Variants in CRIM1 observed in about 807,000 individuals in gnomAD.
CRIM1 encodes the protein cysteine rich transmembrane BMP regulator 1, also known as cysteine-rich motor neuron 1 protein.
CRIM1 carries 32 observed loss-of-function variants against 116.4 expected under a neutral mutation model. The ratio of observed to expected loss-of-function variants is 0.27; its 90% CI spans 0.21 to 0.37. The LOEUF (loss-of-function observed/expected upper bound fraction) is 0.37. Ranked by LOEUF, CRIM1 falls within the 10% of genes least tolerant of loss-of-function variation. The pLI is 1.00. For missense variants in CRIM1, 1,331 were observed against 1,354.8 expected (o/e 0.98, Z 0.28); for synonymous variants, 590 against 509.2 (o/e 1.16, Z -2.13).
At chr2:36,500,080 A>G (rs528022176) in intron 8 of CRIM1, among the ~76,000 whole-genome samples, 1 of 152,080 alleles carries the variant, frequency 6.6e-6, no homozygotes, top group East Asian at 1.9e-4. Context: ...TAATTTCAGC[A>G]CTCTGGGAGG....
chr2:36,452,513 T>C (rs565508676), intron 4 of CRIM1, among the ~76,000 whole-genome samples: 4 of 152,230 alleles, frequency 2.6e-5, no homozygotes, highest in African/African-American at 9.6e-5. Context: ...ACAAAATAAT[T>C]GTAGGAATTC....
chr2:36,428,305 A>G (rs1044228195), intron 2 of CRIM1, among the ~76,000 whole-genome samples: 2 of 152,228 alleles, frequency 1.3e-5, no homozygotes, highest in Non-Finnish European at 2.9e-5. Context: ...ACTCATATCT[A>G]CGAATTTCTG....
In CRIM1 at chr2:36,522,157, G is replaced by A. The variant is rs754851554; in HGVS notation, c.2272G>A (p.Gly758Arg). Residue 758 changes from glycine (G) to arginine (R), a missense_variant, in exon 13 of 17, where the codon GGG becomes AGG. Gly to Arg is a moderately radical substitution (Grantham distance 125). Around this residue, in one of 3 missense-constraint regions of CRIM1, gnomAD observed 358 missense variants for 436.1 expected, o/e 0.82. Transcript: ENST00000280527. ...SVPNYCKNDE[G>R]DIFLAAESWK... ...ACCTAATTACTGCAAAAATGATGAA[G>A]GGGATATATTCCTGGCAGCTGAGTC... The A allele has an allele frequency of 2.5e-6, 4 of 1,614,178 alleles. No homozygotes were observed. Among genetic ancestry groups the A allele is most frequent in the Non-Finnish European group, 1.7e-6 (2 of 1,180,032 alleles).
intron 16 of CRIM1, among the ~76,000 whole-genome samples, chr2:36,547,381 T>G (rs1159987131): frequency 1.3e-5 from 2 of 152,214 alleles, no homozygotes; most frequent in African/African-American, 2.4e-5. Context: ...CATTATCCAT[T>G]GGTTAATGAA....
At chr2:36,381,923 T>C (rs1670807398) in intron 1 of CRIM1, among the ~76,000 whole-genome samples, 1 of 152,198 alleles carries the variant, frequency 6.6e-6, no homozygotes, top group African/African-American at 2.4e-5. Flanking sequence ...CACATGCAAG[T>C]GTGAGGCCAA....
intron 4 of CRIM1, among the ~76,000 whole-genome samples, chr2:36,450,177 T>A (rs1000542600): frequency 6.6e-6 from 1 of 152,224 alleles, no homozygotes; most frequent in East Asian, 1.9e-4. Flanking sequence ...TATCTCTGCC[T>A]GTCAGCCTGC....
intron 1 of CRIM1, among the ~76,000 whole-genome samples, chr2:36,360,149 C>A (rs1006113284): frequency 6.6e-6 from 1 of 152,124 alleles, no homozygotes; most frequent in Non-Finnish European, 1.5e-5. Context: ...ATTTCTTCTC[C>A]CATGTGTCAT....
chr2:36,545,247 T>C (rs1667238227), intron 15 of CRIM1, among the ~76,000 whole-genome samples: 1 of 152,226 alleles, frequency 6.6e-6, no homozygotes, highest in Non-Finnish European at 1.5e-5. Flanking sequence ...TCTGTTACTC[T>C]AGATATTCTA....
chr2:36,447,747 T>A (rs1006570510), intron 4 of CRIM1, among the ~76,000 whole-genome samples: 4 of 152,180 alleles, frequency 2.6e-5, no homozygotes, highest in Non-Finnish European at 5.9e-5. Context: ...CACAAAGAAT[T>A]TGTGGCCATT....
chr2:36,450,874 C>A (rs1271047057), intron 4 of CRIM1, among the ~76,000 whole-genome samples: 3 of 152,184 alleles, frequency 2.0e-5, no homozygotes, highest in African/African-American at 7.2e-5. Flanking sequence ...AGAATCTTAG[C>A]AGATTGCTAG....
chr2:36,425,741 G>A (rs1674398384), intron 2 of CRIM1, among the ~76,000 whole-genome samples: 1 of 152,194 alleles, frequency 6.6e-6, no homozygotes, highest in Non-Finnish European at 1.5e-5. Context: ...TCTTAAGTGG[G>A]TAATGGGTAG....
At chr2:36,476,278 C>T (rs1678968555) in intron 5 of CRIM1, among the ~76,000 whole-genome samples, 1 of 151,978 alleles carries the variant, frequency 6.6e-6, no homozygotes, top group Admixed American at 6.6e-5. Flanking sequence ...AGTAAACTAC[C>T]TAGGATTTCC....
chr2:36,475,889 T>G (rs1678938153), intron 5 of CRIM1, among the ~76,000 whole-genome samples: 1 of 152,240 alleles, frequency 6.6e-6, no homozygotes, highest in African/African-American at 2.4e-5. Context: ...ATTAATATTT[T>G]GGATGTTAAA....
intron 14 of CRIM1, among the ~76,000 whole-genome samples, chr2:36,538,999 G>A (rs1279241721): frequency 6.6e-6 from 1 of 152,164 alleles, no homozygotes; most frequent in Non-Finnish European, 1.5e-5. Flanking sequence ...CTAGGCACTG[G>A]GGACACAGCA....
intron 7 of CRIM1, 79 bp from the exon 8 acceptor site, chr2:36,499,140 G>A (rs1680806813): frequency 1.8e-6 from 2 of 1,091,994 alleles, no homozygotes; most frequent in South Asian, 2.8e-5. Flanking sequence ...ACATTATGGT[G>A]TGGAATTTCA....
chr2:36,443,184 G>A (rs931981897), intron 4 of CRIM1, among the ~76,000 whole-genome samples: 2 of 152,152 alleles, frequency 1.3e-5, no homozygotes, highest in African/African-American at 4.8e-5. Flanking sequence ...TTCTTGCTGA[G>A]GTCAAGAGGA....
intron 3 of CRIM1, among the ~76,000 whole-genome samples, chr2:36,441,717 C>T (rs1288836296): frequency 6.6e-6 from 1 of 152,130 alleles, no homozygotes; most frequent in Admixed American, 6.5e-5. Context: ...CTTCGGAGAG[C>T]GAGCGTGTCT....
intron 9 of CRIM1, among the ~76,000 whole-genome samples, chr2:36,511,796 G>T (rs187990016): frequency 1.5e-5 from 2 of 137,700 alleles, no homozygotes; most frequent in African/African-American, 5.4e-5. Flanking sequence ...CCCCTTTTAT[G>T]TACCTGCTGA....
intron 7 of CRIM1, among the ~76,000 whole-genome samples, chr2:36,491,572 T>G (rs1470785263): frequency 6.6e-6 from 1 of 152,210 alleles, no homozygotes; most frequent in African/African-American, 2.4e-5. Flanking sequence ...TTACACTGAC[T>G]TTAGGTGCTT....
Sources: allele counts gnomAD v4.1 joint callset (sites outside exome capture counted in the v4.1 genomes callset), GRCh38; gene constraint gnomAD v4.1.1; regional missense constraint gnomAD v4.1.1; transcripts MANE v1.5; gene names NCBI Gene and HGNC (gene_info 2026-07-23, HGNC 2026-07-21).